The following THSD7A variants were observed in gnomAD, a reference collection of about 807,000 sequenced individuals.
THSD7A encodes thrombospondin type 1 domain containing 7A.
THSD7A carries 96 observed loss-of-function variants against 231.3 expected under a neutral mutation model. That is an observed-to-expected ratio of 0.41 (90% CI 0.35 to 0.49). The LOEUF is 0.49. THSD7A is among the 20% of genes least tolerant of loss of function. THSD7A has a pLI of 0.05. For missense variants in THSD7A, 2,290 were observed against 2,070.2 expected, an observed-to-expected ratio of 1.11 and a Z score of -2.06; for synonymous variants, 940 against 743.3, an observed-to-expected ratio of 1.26 and a Z score of -4.30.
chr7:11,433,061 A>G (rs1784528630), intron 13 of THSD7A, among the ~76,000 whole-genome samples: 2 of 151,990 alleles, frequency 1.3e-5, no homozygotes, highest in African/African-American at 2.4e-5. Context: ...TGCCACTGCT[A>G]AGTTTCTAAT....
chr7:11,523,592 T>G (rs746180240), intron 6 of THSD7A, among the ~76,000 whole-genome samples: 1 of 151,974 alleles, frequency 6.6e-6, no homozygotes, highest in Non-Finnish European at 1.5e-5. Flanking sequence ...ATCAATGAAT[T>G]TTTGAAAGTT....
intron 2 of THSD7A, among the ~76,000 whole-genome samples, chr7:11,611,207 A>C (rs1426090180): frequency 6.6e-6 from 1 of 152,140 alleles, no homozygotes; most frequent in Non-Finnish European, 1.5e-5. Flanking sequence ...GATCTAACTT[A>C]ATCAATATTT....
At chr7:11,498,467 C>A (rs1442968315) in intron 6 of THSD7A, among the ~76,000 whole-genome samples, 1 of 152,096 alleles carries the variant, frequency 6.6e-6, no homozygotes, top group Non-Finnish European at 1.5e-5. Flanking sequence ...CTCCAGTTGA[C>A]AGAGATCTGA....
At chr7:11,565,343 C>A (rs1206207606) in intron 4 of THSD7A, among the ~76,000 whole-genome samples, 1 of 152,150 alleles carries the variant, frequency 6.6e-6, no homozygotes, top group South Asian at 2.1e-4. Flanking sequence ...ATTTGCTGAG[C>A]AACTCCAAAT....
chr7:11,642,862 T>C (rs1312148317), intron 1 of THSD7A, among the ~76,000 whole-genome samples: 2 of 152,218 alleles, frequency 1.3e-5, no homozygotes, highest in East Asian at 1.9e-4. Context: ...CAAAACTGTC[T>C]CTTTATTTCA....
At chr7:11,729,103 G>A (rs1781639613) in intron 1 of THSD7A, among the ~76,000 whole-genome samples, 1 of 151,816 alleles carries the variant, frequency 6.6e-6, no homozygotes, top group Non-Finnish European at 1.5e-5. Flanking sequence ...ATAGATTTGT[G>A]AGTAAACTTT....
chr7:11,787,209 C>CA lies in THSD7A; in HGVS notation c.190+44547dup, dbSNP rs749778605. On this transcript the variant is annotated intron_variant, in intron 1 of 27. Transcript: ENST00000423059. ...TGTTGGAACAACTGGACTTTCACCG[C>CA]AAAAAAATATATAATCTAGACACAG... Among the ~76,000 whole-genome samples, 9 of 151,742 alleles carry CA rather than the reference C, an allele frequency of 5.9e-5. No homozygotes were observed. In the East Asian group the frequency reaches 9.6e-4, roughly 16 times the overall value.
rs1784975332 is a variant in THSD7A, at chr7:11,446,452, A to C, written c.2801-128T>G. 6.6e-6 allele frequency: 7 copies of C among 1,067,276 alleles called. No homozygotes were observed. In the East Asian group the frequency reaches 1.7e-4, roughly 25 times the overall value. The allele number at this position is 1,067,276 out of a possible 1,614,324, so 66.1% of individuals were successfully genotyped here. ...TAACCATATTTAACAGTAGCCTATA[A>C]ATCAATGCTATTTTCTCATTCCACA... is the stretch of plus-strand genomic sequence containing the variant. On this transcript the variant is annotated intron_variant, in intron 12 of 27. Transcript: ENST00000423059. This position sits in a 1 kb window ranked among gnomAD's most constrained non-coding sequence, Gnocchi z 4.0.
chr7:11,759,011 C>T (rs1782774196), intron 1 of THSD7A, among the ~76,000 whole-genome samples: 1 of 151,992 alleles, frequency 6.6e-6, no homozygotes, highest in Non-Finnish European at 1.5e-5. Flanking sequence ...TAAATTGCCC[C>T]TTCTGGTAAG....
intron 11 of THSD7A, among the ~76,000 whole-genome samples, chr7:11,453,785 G>C (rs373440237): frequency 6.6e-6 from 1 of 152,122 alleles, no homozygotes; most frequent in African/African-American, 2.4e-5. Context: ...ATAAACACTG[G>C]AATGATACAC....
At chr7:11,555,064 T>C (rs1350912038) in intron 4 of THSD7A, among the ~76,000 whole-genome samples, 2 of 151,966 alleles carry the variant, frequency 1.3e-5, no homozygotes, top group African/African-American at 4.8e-5. Flanking sequence ...TTATTGGTTT[T>C]TCTCTATTTT....
chr7:11,672,143 A>G (rs932297508), intron 1 of THSD7A, among the ~76,000 whole-genome samples: 2 of 152,114 alleles, frequency 1.3e-5, no homozygotes, highest in African/African-American at 2.4e-5. Flanking sequence ...AGCTGTGCTC[A>G]TTTTCTGGCT....
intron 6 of THSD7A, among the ~76,000 whole-genome samples, chr7:11,513,988 C>T (rs1452344284): frequency 6.6e-6 from 1 of 151,884 alleles, no homozygotes; most frequent in Non-Finnish European, 1.5e-5. Flanking sequence ...CCCAGACATC[C>T]TGCCTCCTGC....
At chr7:11,698,050 T>G (rs1780455557) in intron 1 of THSD7A, among the ~76,000 whole-genome samples, 1 of 151,452 alleles carries the variant, frequency 6.6e-6, no homozygotes, top group Admixed American at 6.6e-5. Flanking sequence ...ATTAGCCTTC[T>G]ATAGACTCTG....
chr7:11,677,886 A>C (rs1783705821), intron 1 of THSD7A, among the ~76,000 whole-genome samples: 1 of 152,166 alleles, frequency 6.6e-6, no homozygotes, highest in African/African-American at 2.4e-5. Context: ...AATTGACAGA[A>C]TATACATTCT....
At chr7:11,822,914 C>T (rs966304117) in intron 1 of THSD7A, among the ~76,000 whole-genome samples, 2 of 151,960 alleles carry the variant, frequency 1.3e-5, no homozygotes, top group South Asian at 2.1e-4. Context: ...TCTGTTCACT[C>T]TGTTGATTAT....
chr7:11,792,133 C>G (rs917763679), intron 1 of THSD7A, among the ~76,000 whole-genome samples: 1 of 151,922 alleles, frequency 6.6e-6, no homozygotes, highest in Non-Finnish European at 1.5e-5. Flanking sequence ...TCCTCTTACT[C>G]GTCATTATAT....
At chr7:11,610,170 G>A (rs1584076809) in intron 2 of THSD7A, among the ~76,000 whole-genome samples, 1 of 152,180 alleles carries the variant, frequency 6.6e-6, no homozygotes, top group East Asian at 1.9e-4. Context: ...CTAAAACTGT[G>A]AACCTAAAAC....
In THSD7A at chr7:11,791,911, G is replaced by A. The variant is rs1400238181; in HGVS notation, c.190+39846C>T. Among the ~76,000 whole-genome samples, 5 of 151,928 alleles carry A rather than the reference G, an allele frequency of 3.3e-5. No individual in the cohort carries two copies. In the East Asian group the frequency reaches 9.7e-4, roughly 30 times the overall value. ...TAGAAATTTTTGGGGGCTATCCACA[G>A]GGGCTTTTTTACTAATTTGATTCTT... On this transcript the variant is annotated intron_variant, in intron 1 of 27. Transcript: ENST00000423059.
Sources: allele counts gnomAD v4.1 joint callset (sites outside exome capture counted in the v4.1 genomes callset), GRCh38; gene constraint gnomAD v4.1.1; non-coding constraint Gnocchi (gnomAD v3.1); transcripts MANE v1.5; gene names NCBI Gene and HGNC (gene_info 2026-07-23, HGNC 2026-07-21).